The following VSTM2L variants were observed in gnomAD, a reference collection of about 807,000 sequenced individuals.
VSTM2L encodes the protein V-set and transmembrane domain containing 2 like, also known as V-set and transmembrane domain-containing protein 2-like protein.
VSTM2L carries 9 observed loss-of-function variants against 19.9 expected under a neutral mutation model. The ratio of observed to expected loss-of-function variants is 0.45; its 90% confidence interval spans 0.27 to 0.79. The LOEUF (loss-of-function observed/expected upper bound fraction) is 0.79. Ranked by LOEUF, VSTM2L falls within the 30% of genes least tolerant of loss-of-function variation. VSTM2L has a pLI of 0.15. For synonymous variants in VSTM2L, 127 were observed against 133.8 expected (o/e 0.95, Z 0.35); for missense variants, 286 against 295.5 (o/e 0.97, Z 0.24).
chr20:37,918,345 G>A lies in VSTM2L; in HGVS notation c.122-13290G>A, dbSNP rs939108158. Reference sequence around the variant, plus strand: ...CACTTGAGCAGGACCTGCGTCCCAAGCCCCTTGTGATTAAGAAGAAAGTCT... The same window carrying A: ...CACTTGAGCAGGACCTGCGTCCCAAACCCCTTGTGATTAAGAAGAAAGTCT... On this transcript the variant is annotated intron_variant, in intron 1 of 3. Transcript: ENST00000373461. Among the ~76,000 whole-genome samples, 5 of 152,320 alleles carry A rather than the reference G, an allele frequency of 3.3e-5. No individual in the cohort carries two copies. In the East Asian group the frequency reaches 7.7e-4, roughly 24 times the overall value.
chr20:37,914,449 GTGTGTGTAT>G (rs896321930), intron 1 of VSTM2L, among the ~76,000 whole-genome samples: 4 of 5,244 alleles, frequency 7.6e-4, no homozygotes, highest in African/African-American at 1.7e-3. Context: ...ATGTGTATGT[GTGTGTGTAT>G]TGTGTGTATG....
Position 37,944,122 on chromosome 20 carries a change from C to G in VSTM2L, c.484C>G (p.Arg162Gly). ...ARHHKVKAYL[R>G]VQPGENSVLH... ...GCACCACAAGGTCAAGGCCTACCTG[C>G]GGGTGCAGCCAGGGGAGAACTCCGT... Residue 162 changes from arginine (R) to glycine (G), a missense_variant, in exon 4 of 4, where the codon CGG becomes GGG. Transcript: ENST00000373461. 1 of 1,611,444 alleles carries G rather than the reference C, an allele frequency of 6.2e-7. No individual in the cohort carries two copies. Among genetic ancestry groups the G allele is most frequent in the Non-Finnish European group, 8.5e-7 (1 of 1,178,674 alleles).
intron 1 of VSTM2L, among the ~76,000 whole-genome samples, chr20:37,916,346 G>A (rs762741070): frequency 2.6e-5 from 4 of 152,064 alleles, no homozygotes; most frequent in Non-Finnish European, 5.9e-5. Context: ...ACACTCCCGC[G>A]CTTGCCTCCC....
Position 37,912,834 on chromosome 20 carries a change from C to A in VSTM2L, c.121+9363C>A, listed in dbSNP as rs113219350. Among the ~76,000 whole-genome samples, 214 of 152,238 alleles carry A rather than the reference C, an allele frequency of 1.4e-3. 1 individual carries two copies. Among genetic ancestry groups the A allele is most frequent in the South Asian group, 0.011 (51 of 4,822 alleles). ...ATCTCTCTCTCTCCCTGCCCTACTG[C>A]TCTCTGGGTCTCTCTCTTTCTCTCT... is the stretch of plus-strand genomic sequence containing the variant. On this transcript the variant is annotated intron_variant, in intron 1 of 3. Transcript: ENST00000373461.
rs551862693 is a variant in VSTM2L at position 37,944,175 on chromosome 20, C to T, written c.537C>T (p.Ala179=). The change falls in exon 4 of 4, where the codon GCC becomes GCT. Residue 179 remains alanine (A), a synonymous_variant. Transcript: ENST00000373461. ...SVLHLPEAPP[A]APAPPPPKPG... The stretch of plus-strand genomic sequence containing the variant: ...TGCATCTGCCCGAAGCCCCTCCCGC[C>T]GCGCCCGCCCCGCCGCCCCCCAAGC... 2.8e-5 allele frequency: 43 copies of T among 1,548,146 alleles called. 2 individuals are homozygous for T. The South Asian group carries it at 4.5e-4, about 16-fold the overall frequency.
At chr20:37,923,924 G>A (rs2122958512) in intron 1 of VSTM2L, among the ~76,000 whole-genome samples, 1 of 152,330 alleles carries the variant, frequency 6.6e-6, no homozygotes, top group South Asian at 2.1e-4. Context: ...ATCATGGTGG[G>A]AACACGAGAA....
chr20:37,910,825 G>C (rs949994646), intron 1 of VSTM2L, among the ~76,000 whole-genome samples: 3 of 151,244 alleles, frequency 2.0e-5, no homozygotes, highest in African/African-American at 7.3e-5. Flanking sequence ...GCTGGGGTGG[G>C]AAGATCACTT....
intron 1 of VSTM2L, among the ~76,000 whole-genome samples, chr20:37,930,740 G>C (rs897741220): frequency 6.6e-5 from 10 of 152,104 alleles, no homozygotes; most frequent in African/African-American, 2.2e-4. Context: ...GGAGAGCTGG[G>C]CTCTGCATGG....
intron 1 of VSTM2L, among the ~76,000 whole-genome samples, chr20:37,926,911 TA>T: frequency 6.6e-6 from 1 of 152,334 alleles, no homozygotes. Flanking sequence ...CATGAACATG[TA>T]AAATGCACTC....
chr20:37,905,070 G>T (rs1328558254), intron 1 of VSTM2L, among the ~76,000 whole-genome samples: 2 of 152,148 alleles, frequency 1.3e-5, no homozygotes, highest in African/African-American at 4.8e-5. Flanking sequence ...GACTGAGCCA[G>T]GACAGGCCCC....
chr20:37,942,789 A>G (rs1432587202), intron 3 of VSTM2L, among the ~76,000 whole-genome samples: 4 of 152,208 alleles, frequency 2.6e-5, no homozygotes, highest in Non-Finnish European at 5.9e-5. Context: ...TAATACTCCC[A>G]TTTTAAAATA....
At chr20:37,908,337 C>T (rs887344280) in intron 1 of VSTM2L, among the ~76,000 whole-genome samples, 3 of 152,204 alleles carry the variant, frequency 2.0e-5, no homozygotes, top group South Asian at 2.1e-4. Context: ...TTCTGATCCA[C>T]CGGCTGTGGG....
At position 37,944,488 on chromosome 20, in the gene VSTM2L, A is replaced by C; in HGVS notation, c.*235A>C. Reference sequence around the variant, plus strand: ...CTCGGAGAAGGTGGCCCTGGGCACCAAGGGGCCAACCGCCCTGAACACTGG... The same window carrying C: ...CTCGGAGAAGGTGGCCCTGGGCACCCAGGGGCCAACCGCCCTGAACACTGG... On this transcript the variant is annotated 3_prime_UTR_variant, in exon 4 of 4. Coordinates refer to ENST00000373461, the MANE Select transcript of VSTM2L (RefSeq NM_080607.3). The C allele has an allele frequency of 8.1e-7, 1 of 1,239,096 alleles. No homozygotes were observed. The highest frequency in any genetic ancestry group is 1.0e-6 in the Non-Finnish European group (1 of 996,246). The allele number at this position is 1,239,096 out of a possible 1,614,324, so 76.8% of individuals were successfully genotyped here.
At chr20:37,942,195 T>C (rs533435633) in intron 3 of VSTM2L, among the ~76,000 whole-genome samples, 1 of 152,286 alleles carries the variant, frequency 6.6e-6, no homozygotes, top group East Asian at 1.9e-4. Context: ...AAAGAACAAA[T>C]GGATGGCTGG....
chr20:37,944,542 AC>A lies in VSTM2L; in HGVS notation c.*294del. 8.5e-7 allele frequency: 1 copy of A among 1,181,768 alleles called. No individual in the cohort carries two copies. Among genetic ancestry groups the A allele is most frequent in the African/African-American group, 1.6e-5 (1 of 62,446 alleles). The allele number at this position is 1,181,768 out of a possible 1,614,324, so 73.2% of individuals were successfully genotyped here. A position where few individuals can be genotyped will look rare whatever the true frequency, so the allele number is the denominator to read the frequency against. Reference sequence around the variant, plus strand: ...AGGGACCATGCTGGGGCCCGGGGCCACCCCCTTCCTGTCACCAGCTTCTGTG... The same window carrying A: ...AGGGACCATGCTGGGGCCCGGGGCCACCCCTTCCTGTCACCAGCTTCTGTG... On this transcript the variant is annotated 3_prime_UTR_variant, in exon 4 of 4. Coordinates refer to ENST00000373461, the MANE Select transcript of VSTM2L (RefSeq NM_080607.3).
intron 1 of VSTM2L, among the ~76,000 whole-genome samples, chr20:37,920,405 A>C (rs1446989951): frequency 1.3e-5 from 2 of 152,248 alleles, no homozygotes; most frequent in African/African-American, 4.8e-5. Flanking sequence ...GCCCGTAGCC[A>C]ACAAGGGTTG....
chr20:37,943,907 GACC>G, intron 3 of VSTM2L, 71 bp from the exon 4 acceptor site: 1 of 862,560 alleles, frequency 1.2e-6, no homozygotes, highest in Non-Finnish European at 1.6e-6. Context: ...GCGATCTTGG[GACC>G]CCCCCCCCCG....
chr20:37,943,908 A>AAC, intron 3 of VSTM2L, 73 bp from the exon 4 acceptor site: 1 of 176,982 alleles, frequency 5.7e-6, no homozygotes, highest in Non-Finnish European at 1.0e-5. Context: ...CGATCTTGGG[A>AAC]CCCCCCCCCC....
chr20:37,943,533 GGTCTACCACTGCTGTGAGGA>G (rs966970314), intron 3 of VSTM2L, among the ~76,000 whole-genome samples: 2 of 151,514 alleles, frequency 1.3e-5, no homozygotes, highest in African/African-American at 4.9e-5. Context: ...TCTGCCCTAG[GGTCTACCACTGCTGTGAGGA>G]GGCCCCGTTG....
Sources: allele counts gnomAD v4.1 joint callset (sites outside exome capture counted in the v4.1 genomes callset), GRCh38; gene constraint gnomAD v4.1.1; transcripts MANE v1.5; gene names NCBI Gene and HGNC (gene_info 2026-07-23, HGNC 2026-07-21).